Variants in CCSER1 observed in about 807,000 individuals in gnomAD.
CCSER1 encodes the protein serine-rich coiled-coil domain-containing protein 1.
In CCSER1, 41 loss-of-function variants were observed where a neutral mutation model predicts 82.0. The ratio of observed to expected loss-of-function variants is 0.50; its 90% CI spans 0.39 to 0.65. CCSER1 has a LOEUF of 0.65. Among genes scored for constraint, CCSER1 ranks in the 30% least tolerant of loss-of-function variants. The pLI, the probability that CCSER1 is intolerant of heterozygous loss-of-function variation, is 0.00. For synonymous variants in CCSER1, 414 were observed against 383.9 expected (o/e 1.08, Z -0.92); for missense variants, 1,119 against 1,064.2 (o/e 1.05, Z -0.72).
intron 10 of CCSER1, among the ~76,000 whole-genome samples, chr4:91,471,900 G>A (rs982321569): frequency 6.7e-6 from 1 of 149,972 alleles, no homozygotes; most frequent in African/African-American, 2.5e-5. Context: ...AACCCGGGAG[G>A]CAGAGCTTGC....
chr4:91,216,479 C>T (rs1737250899), intron 10 of CCSER1, among the ~76,000 whole-genome samples: 1 of 152,052 alleles, frequency 6.6e-6, no homozygotes, highest in African/African-American at 2.4e-5. Flanking sequence ...GCCACCACAC[C>T]CGGCTAATTT....
chr4:90,567,185 A>G (rs1560731841), intron 5 of CCSER1, among the ~76,000 whole-genome samples: 1 of 151,114 alleles, frequency 6.6e-6, no homozygotes, highest in Non-Finnish European at 1.5e-5. Context: ...GATTTTCAAC[A>G]TTTTGTGATC....
At position 91,586,787 on chromosome 4, in the gene CCSER1, C is replaced by T. The variant is rs114525481; in HGVS notation, c.2218-11785C>T. On this transcript the variant is annotated intron_variant, in intron 10 of 10. Transcript: ENST00000509176. ...CTAAATCTGGTCATGACTTAAGATA[C>T]GATATTGTTGTTTTAGTGGCTTCAT... Among the ~76,000 whole-genome samples, 282 of 151,620 alleles carry T rather than the reference C, an allele frequency of 1.9e-3. 1 individual carries two copies. Among genetic ancestry groups the T allele is most frequent in the African/African-American group, 6.4e-3 (264 of 41,444 alleles).
intron 10 of CCSER1, among the ~76,000 whole-genome samples, chr4:91,111,969 T>C (rs2148873677): frequency 6.6e-6 from 1 of 152,146 alleles, no homozygotes; most frequent in East Asian, 1.9e-4. Flanking sequence ...GGGCTACTCT[T>C]AAAGCATAAA....
At chr4:90,810,953 C>A (rs990144347) in intron 7 of CCSER1, among the ~76,000 whole-genome samples, 1 of 151,300 alleles carries the variant, frequency 6.6e-6, no homozygotes, top group African/African-American at 2.4e-5. Flanking sequence ...CTGCCTCAGC[C>A]TCCTGAGTAG....
rs35525587 is a variant in CCSER1, at chr4:91,553,843, A to AT, written c.2218-44723dup. Reference sequence around the variant, plus strand: ...TTTTAGTCTAGCTAAAGGTTTATCAATTTTTTAAAAAAAACCAATATATTT... The same window carrying AT: ...TTTTAGTCTAGCTAAAGGTTTATCAATTTTTTTAAAAAAAACCAATATATTT... On this transcript the variant is annotated intron_variant, in intron 10 of 10. Coordinates refer to ENST00000509176, the MANE Select transcript of CCSER1 (RefSeq NM_001145065.2). 3.0e-4 allele frequency among the ~76,000 whole-genome samples: 44 copies of AT among 146,078 alleles called. 1 individual carries two copies. The highest frequency in any genetic ancestry group is 1.2e-3 in the Admixed American group (17 of 14,582).
At chr4:91,036,545 A>C (rs1333300107) in intron 9 of CCSER1, among the ~76,000 whole-genome samples, 4 of 152,154 alleles carry the variant, frequency 2.6e-5, no homozygotes, top group East Asian at 3.9e-4. Flanking sequence ...TGTTCAAGAC[A>C]GAAACCACGA....
intron 7 of CCSER1, among the ~76,000 whole-genome samples, chr4:90,799,248 T>A (rs1166749450): frequency 1.3e-5 from 2 of 152,110 alleles, no homozygotes; most frequent in Non-Finnish European, 2.9e-5. Context: ...CTGTTCACTG[T>A]GCAGTATTAG....
At position 90,933,409 on chromosome 4, in the gene CCSER1, A is replaced by C. The variant is rs563478623; in HGVS notation, c.2172+9962A>C. Among the ~76,000 whole-genome samples, 35 of 151,256 alleles carry C rather than the reference A, an allele frequency of 2.3e-4. No homozygotes were observed. In the South Asian group the frequency reaches 4.8e-3, roughly 21 times the overall value. ...TCACCGTGTTAGCCAGGATGGTCTC[A>C]ATCTCCTGACCTCATGATCCGCCCA... On this transcript the variant is annotated intron_variant, in intron 9 of 10. Transcript: ENST00000509176.
At chr4:91,018,650 T>A (rs1420084358) in intron 9 of CCSER1, among the ~76,000 whole-genome samples, 3 of 152,076 alleles carry the variant, frequency 2.0e-5, no homozygotes, top group Non-Finnish European at 4.4e-5. Flanking sequence ...GTGACGCTTC[T>A]AGTATGCTAA....
chr4:90,220,223 A>G (rs1020212783), intron 1 of CCSER1, among the ~76,000 whole-genome samples: 1 of 152,210 alleles, frequency 6.6e-6, no homozygotes, highest in Admixed American at 6.5e-5. Flanking sequence ...AAAACACAGT[A>G]TAGATAGGAC....
At chr4:91,125,139 G>A (rs989548531) in intron 10 of CCSER1, among the ~76,000 whole-genome samples, 2 of 151,474 alleles carry the variant, frequency 1.3e-5, no homozygotes, top group African/African-American at 2.4e-5. Context: ...TATCAAATTT[G>A]TATATATATT....
chr4:90,601,171 T>A (rs77418770), intron 5 of CCSER1, among the ~76,000 whole-genome samples: 3,902 of 152,174 alleles, frequency 0.026, 104 homozygotes, highest in African/African-American at 0.059. Context: ...TTTCATAGGC[T>A]AGAGTCTTCA....
At chr4:91,242,983 T>C (rs1739486979) in intron 10 of CCSER1, among the ~76,000 whole-genome samples, 1 of 152,126 alleles carries the variant, frequency 6.6e-6, no homozygotes, top group African/African-American at 2.4e-5. Flanking sequence ...GATTTTAACT[T>C]CATATGGCTA....
chr4:90,251,538 G>A (rs1326180440), intron 1 of CCSER1, among the ~76,000 whole-genome samples: 1 of 151,570 alleles, frequency 6.6e-6, no homozygotes, highest in African/African-American at 2.4e-5. Flanking sequence ...ATTAATTTTT[G>A]GACATTAAAC....
chr4:91,171,911 T>C (rs552722306), intron 10 of CCSER1, among the ~76,000 whole-genome samples: 3 of 152,254 alleles, frequency 2.0e-5, no homozygotes, highest in Non-Finnish European at 2.9e-5. Flanking sequence ...ATTTAAACTT[T>C]TATGATGTTC....
chr4:91,305,985 A>G (rs1288299623), intron 10 of CCSER1, among the ~76,000 whole-genome samples: 1 of 150,916 alleles, frequency 6.6e-6, no homozygotes, highest in Non-Finnish European at 1.5e-5. Flanking sequence ...CTCATAACAC[A>G]TGGGAATTAT....
At chr4:90,268,233 T>C (rs28778986) in intron 1 of CCSER1, among the ~76,000 whole-genome samples, 8,332 of 152,206 alleles carry the variant, frequency 0.055, 618 homozygotes, top group African/African-American at 0.17. Flanking sequence ...GTAATAAATA[T>C]GCAGAAAAAC....
At chr4:90,751,797 T>A (rs1748709181) in intron 7 of CCSER1, among the ~76,000 whole-genome samples, 1 of 152,100 alleles carries the variant, frequency 6.6e-6, no homozygotes, top group Non-Finnish European at 1.5e-5. Flanking sequence ...TTATTTTACA[T>A]CTGTGTTTAT....
Sources: allele counts gnomAD v4.1 joint callset (sites outside exome capture counted in the v4.1 genomes callset), GRCh38; gene constraint gnomAD v4.1.1; transcripts MANE v1.5; gene names NCBI Gene and HGNC (gene_info 2026-07-23, HGNC 2026-07-21).